CLHC1: variants seen among roughly 807,000 people sequenced by gnomAD.
CLHC1 encodes the protein clathrin heavy chain linker domain-containing protein 1.
CLHC1 carries 72 observed loss-of-function variants against 69.5 expected under a neutral mutation model. That is an observed-to-expected ratio of 1.04 (90% CI 0.86 to 1.26). CLHC1 has a LOEUF of 1.26. Among genes scored for constraint, CLHC1 ranks in the 50% most tolerant of loss-of-function variants. The pLI, the probability that CLHC1 is intolerant of heterozygous loss-of-function variation, is 0.00. For missense variants in CLHC1, 790 were observed against 679.3 expected, an observed-to-expected ratio of 1.16 and a Z score of -1.81; for synonymous variants, 223 against 224.3, an observed-to-expected ratio of 0.99 and a Z score of 0.05.
In CLHC1 at chr2:55,208,865, C is replaced by CCTTTT. The variant is rs1553353361; in HGVS notation, c.815-156_815-155insAAAAG. On this transcript the variant is annotated intron_variant, in intron 7 of 12. Transcript: ENST00000401408. The stretch of plus-strand genomic sequence containing the variant: ...TTAGTGGCCTCCCCGTCCCTTTCCT[C>CCTTTT]TTTTTTTTTTTTTTTTTTTTTTTGA... Among the ~76,000 whole-genome samples, 6 of 90,836 alleles carry CCTTTT rather than the reference C, an allele frequency of 6.6e-5. 1 individual carries two copies. Among genetic ancestry groups the CCTTTT allele is most frequent in the Non-Finnish European group, 6.6e-5 (3 of 45,752 alleles). The allele number at this position is 90,836 out of a possible 152,430, so 59.6% of individuals were successfully genotyped here.
At chr2:55,210,261 A>G (rs1359233833) in intron 5 of CLHC1, among the ~76,000 whole-genome samples, 2 of 151,956 alleles carry the variant, frequency 1.3e-5, no homozygotes, top group East Asian at 3.9e-4. Context: ...CAGTGGTGCA[A>G]TCTCAGCTCA....
intron 9 of CLHC1, among the ~76,000 whole-genome samples, chr2:55,203,307 A>C (rs1672135316): frequency 6.6e-6 from 1 of 152,204 alleles, no homozygotes; most frequent in Admixed American, 6.5e-5. Flanking sequence ...TAGAAGAATC[A>C]ACTCCCAAAT....
chr2:55,178,065 T>C (rs949183024), intron 11 of CLHC1, among the ~76,000 whole-genome samples: 1 of 152,168 alleles, frequency 6.6e-6, no homozygotes, highest in Non-Finnish European at 1.5e-5. Flanking sequence ...AAAATACAGA[T>C]TGGCTACTAG....
chr2:55,208,539 C>A, intron 8 of CLHC1, 87 bp downstream of exon 8: 1 of 803,128 alleles, frequency 1.2e-6, no homozygotes, highest in Non-Finnish European at 2.1e-6. Context: ...TCTGAAAAAT[C>A]TCCTAGATTC....
intron 1 of CLHC1, among the ~76,000 whole-genome samples, chr2:55,231,564 C>T (rs571639170): frequency 2.6e-5 from 4 of 152,086 alleles, no homozygotes; most frequent in Admixed American, 2.6e-4. Context: ...GATTCGGAAC[C>T]CCTACAAGAG....
intron 4 of CLHC1, among the ~76,000 whole-genome samples, chr2:55,213,540 A>G (rs780115443): frequency 3.3e-5 from 5 of 152,204 alleles, no homozygotes; most frequent in Non-Finnish European, 7.3e-5. Context: ...GAAAAACTTT[A>G]TTGAGCCTAC....
At chr2:55,208,479 G>C (rs1672651969) in intron 8 of CLHC1, 147 bp downstream of exon 8, 2 of 552,740 alleles carry the variant, frequency 3.6e-6, no homozygotes, top group East Asian at 6.1e-5. Flanking sequence ...GATTAGGAAT[G>C]CTTAACCTGT....
intron 9 of CLHC1, among the ~76,000 whole-genome samples, chr2:55,193,053 G>A (rs1291890367): frequency 1.4e-5 from 1 of 71,420 alleles, no homozygotes; most frequent in Non-Finnish European, 3.0e-5. Flanking sequence ...ACCACACCCG[G>A]CGGCTAATTT....
Position 55,180,590 on chromosome 2 carries a change from T to G in CLHC1, c.1304A>C (p.Lys435Thr). Residue 435 changes from lysine (K) to threonine (T), a missense_variant, in exon 11 of 13, where the codon AAA becomes ACA. Physicochemically the swap from Lys to Thr is moderately conservative, Grantham distance 78. Coordinates refer to ENST00000401408, the MANE Select transcript of CLHC1 (RefSeq NM_152385.4). ...IVYSECGLHKKAILCLCKQGQ... is the reference protein window; with the variant it reads ...IVYSECGLHKTAILCLCKQGQ... ...CTGTTTACACAAGCAAAGAATAGCT[T>G]TCTTGTGCAGGCCACATTCACTGTA... The G allele has an allele frequency of 6.2e-7, 1 of 1,614,076 alleles. No individual in the cohort carries two copies. Among genetic ancestry groups the G allele is most frequent in the South Asian group, 1.1e-5 (1 of 91,074 alleles).
At position 55,204,887 on chromosome 2, in the gene CLHC1, T is replaced by C. The variant is rs117865696; in HGVS notation, c.1006+1383A>G. Reference sequence around the variant, plus strand: ...TTGGTGGAGTTAAAAATAAAAACAATTGAACTCATGAACACAGTAGAAGGA... The same window carrying C: ...TTGGTGGAGTTAAAAATAAAAACAACTGAACTCATGAACACAGTAGAAGGA... On this transcript the variant is annotated intron_variant, in intron 9 of 12. Transcript: ENST00000401408. Among the ~76,000 whole-genome samples the C allele has an allele frequency of 2.7e-3, 417 of 152,134 alleles. 9 individuals carry two copies. The East Asian group carries it at 0.044, about 16-fold the overall frequency.
At chr2:55,181,433 A>T in intron 10 of CLHC1, 137 bp downstream of exon 10, 1 of 704,000 alleles carries the variant, frequency 1.4e-6, no homozygotes, top group Non-Finnish European at 2.3e-6. Flanking sequence ...CCGACCACTA[A>T]ACACTTTCTG....
chr2:55,186,673 G>C (rs1016746586), intron 9 of CLHC1, among the ~76,000 whole-genome samples: 5 of 152,112 alleles, frequency 3.3e-5, no homozygotes, highest in Non-Finnish European at 5.9e-5. Context: ...TACTTGGGAG[G>C]CTGAGGTGGG....
At chr2:55,209,568 G>T in intron 6 of CLHC1, 52 bp from the exon 7 acceptor site, 1 of 1,577,194 alleles carries the variant, frequency 6.3e-7, no homozygotes, top group Non-Finnish European at 8.7e-7. Context: ...TCAAATGGTG[G>T]AATATTAGAA....
chr2:55,219,955 C>CA (rs1673954621), intron 3 of CLHC1, among the ~76,000 whole-genome samples: 2 of 152,136 alleles, frequency 1.3e-5, no homozygotes, highest in South Asian at 4.1e-4. Flanking sequence ...AGGATGGTCT[C>CA]AAACTCCTGG....
chr2:55,215,305 T>TA (rs1052720123), intron 4 of CLHC1, among the ~76,000 whole-genome samples: 3 of 152,160 alleles, frequency 2.0e-5, no homozygotes, highest in Non-Finnish European at 4.4e-5. Flanking sequence ...TCTCAGCTGT[T>TA]ATTTCTTCAA....
intron 11 of CLHC1, 91 bp from the exon 12 acceptor site, chr2:55,177,872 C>A (rs1669552385): frequency 3.3e-6 from 3 of 911,466 alleles, no homozygotes; most frequent in Admixed American, 2.6e-5. Flanking sequence ...ACCTGCCAAT[C>A]AACAGTTTTT....
rs138704039 is a variant in CLHC1 at position 55,221,337 on chromosome 2, G to A, written c.177+898C>T. 3.1e-3 allele frequency among the ~76,000 whole-genome samples: 474 copies of A among 152,258 alleles called. 3 individuals are homozygous for A. The highest frequency in any genetic ancestry group is 0.011 in the African/African-American group (467 of 41,548). ...GTGGGCAAACTGCAATTGTTTAGAA[G>A]GATAATAGGTATTTCTAAAACCGTA... On this transcript the variant is annotated intron_variant, in intron 3 of 12. Transcript: ENST00000401408.
intron 8 of CLHC1, among the ~76,000 whole-genome samples, chr2:55,207,735 G>A (rs1672584803): frequency 6.6e-6 from 1 of 152,124 alleles, no homozygotes; most frequent in Non-Finnish European, 1.5e-5. Context: ...AAAAAGGAGG[G>A]AAAAGGAATT....
In CLHC1 at chr2:55,209,721, C is replaced by A. The variant is rs766740421; in HGVS notation, c.610G>T (p.Ala204Ser). The A allele has an allele frequency of 6.2e-7, 1 of 1,613,532 alleles. No homozygotes were observed. Among genetic ancestry groups the A allele is most frequent in the East Asian group, 2.2e-5 (1 of 44,876 alleles). ...KQAMLIKYVP[A>S]QRKADLDEEM... ...TCATCTAAATCAGCCTTCCTCTGAG[C>A]TGGCACATATTTTATCAACATAGCT... Residue 204 changes from alanine (A) to serine (S), a missense_variant, in exon 6 of 13, where the codon GCT (alanine) becomes TCT (serine). By Grantham distance (99) the Ala-to-Ser change is moderately conservative. Coordinates refer to ENST00000401408, the MANE Select transcript of CLHC1 (RefSeq NM_152385.4).
Sources: allele counts gnomAD v4.1 joint callset (sites outside exome capture counted in the v4.1 genomes callset), GRCh38; gene constraint gnomAD v4.1.1; transcripts MANE v1.5; gene names NCBI Gene and HGNC (gene_info 2026-07-23, HGNC 2026-07-21).